Variants in GAPVD1 observed in about 807,000 individuals in gnomAD.
GAPVD1 encodes the protein GTPase-activating protein and VPS9 domain-containing protein 1.
In GAPVD1, 35 loss-of-function variants were observed where a neutral mutation model predicts 155.5. The observed-to-expected ratio is 0.23, with a 90% CI of 0.17 to 0.30. The LOEUF (loss-of-function observed/expected upper bound fraction) is 0.30. Ranked by LOEUF, GAPVD1 falls within the 10% of genes least tolerant of loss-of-function variation. GAPVD1 has a pLI of 1.00. For synonymous variants in GAPVD1, 636 were observed against 619.7 expected (o/e 1.03, Z -0.39); for missense variants, 1,429 against 1,775.7 (o/e 0.80, Z 3.51).
intron 2 of GAPVD1, among the ~76,000 whole-genome samples, chr9:125,294,537 G>A (rs1323539236): frequency 2.7e-5 from 4 of 148,514 alleles, no homozygotes; most frequent in East Asian, 2.0e-4. Context: ...TAGTAGAGAC[G>A]GGGTTTCACC....
chr9:125,338,697 A>T (rs1258559121), intron 17 of GAPVD1, among the ~76,000 whole-genome samples: 1 of 152,182 alleles, frequency 6.6e-6, no homozygotes, highest in Non-Finnish European at 1.5e-5. Flanking sequence ...GCACTTTGTC[A>T]GGTAGCACAG....
In GAPVD1 at chr9:125,355,768, T is replaced by C. The variant is rs745564744; in HGVS notation, c.3882T>C (p.Asp1294=). The C allele has an allele frequency of 6.2e-7, 1 of 1,613,376 alleles. No homozygotes were observed. Among genetic ancestry groups the C allele is most frequent in the Non-Finnish European group, 8.5e-7 (1 of 1,179,286 alleles). The part of the protein sequence containing the change: ...WQNASEEQLQ[D]AQLAIERSVM... The stretch of plus-strand genomic sequence containing the variant: ...ACGCGAGTGAAGAACAGCTTCAAGA[T>C]GCACAGCTGGCCATTGAGCGAAGCG... Residue 1294 remains aspartate, a synonymous_variant, in exon 25 of 28, where the codon GAT becomes GAC. Transcript: ENST00000297933.
At position 125,322,624 on chromosome 9, in the gene GAPVD1, A is replaced by G. The variant is rs545439977; in HGVS notation, c.1732+1062A>G. 2.2e-4 allele frequency among the ~76,000 whole-genome samples: 34 copies of G among 152,226 alleles called. 1 individual carries two copies. In the East Asian group the frequency reaches 3.3e-3, roughly 15 times the overall value. On this transcript the variant is annotated intron_variant, in intron 10 of 27. Transcript: ENST00000297933. ...TGTAATTTAATAATATGGCATTAAC[A>G]TTTCCCTTTGTAATTTAACATTCTT...
At chr9:125,289,147 A>G (rs1838200400) in intron 2 of GAPVD1, among the ~76,000 whole-genome samples, 1 of 152,178 alleles carries the variant, frequency 6.6e-6, no homozygotes, top group Non-Finnish European at 1.5e-5. Flanking sequence ...TTTACTCCCA[A>G]TAGAGTCCAG....
In GAPVD1 at chr9:125,360,456, G is replaced by A. The variant is rs1471013745; in HGVS notation, c.4045-72G>A. ...ACATTATCCTCTGCCTCCTGACACGGAGGTTGCAGTAGTCACTGCGCAGGG... is the reference window on the plus strand; with the variant it reads ...ACATTATCCTCTGCCTCCTGACACGAAGGTTGCAGTAGTCACTGCGCAGGG... On this transcript the variant is annotated intron_variant, in intron 26 of 27. Coordinates refer to ENST00000297933, the MANE Select transcript of GAPVD1 (RefSeq NM_001282680.3). The A allele has an allele frequency of 2.6e-6, 3 of 1,174,232 alleles. No individual in the cohort carries two copies. The African/African-American group carries it at 4.5e-5, about 18-fold the overall frequency. The allele number at this position is 1,174,232 out of a possible 1,614,324, so 72.7% of individuals were successfully genotyped here. A position where few individuals can be genotyped will look rare whatever the true frequency, so the allele number is the denominator to read the frequency against.
intron 8 of GAPVD1, among the ~76,000 whole-genome samples, chr9:125,310,396 T>TG (rs1287915891): frequency 1.3e-5 from 2 of 152,338 alleles, no homozygotes; most frequent in East Asian, 3.9e-4. Context: ...AATGTGAAGT[T>TG]GACTTTTGCT....
intron 15 of GAPVD1, 133 bp downstream of exon 15, chr9:125,332,762 G>A: frequency 3.0e-6 from 2 of 676,254 alleles, no homozygotes; most frequent in Non-Finnish European, 4.9e-6. Context: ...TCTATTTAAG[G>A]TCTTAAATGT....
At chr9:125,310,031 C>T (rs1295726519) in intron 8 of GAPVD1, 1 of 377,696 alleles carries the variant, frequency 2.6e-6, no homozygotes, top group South Asian at 2.1e-5. Flanking sequence ...GCTGTTCTTC[C>T]TCTTCTTTTA....
chr9:125,346,744 C>A, intron 19 of GAPVD1, 75 bp from the exon 20 acceptor site: 1 of 1,138,540 alleles, frequency 8.8e-7, no homozygotes, highest in Non-Finnish European at 1.3e-6. Flanking sequence ...TGGGATTATG[C>A]TACTGGTGTC....
At chr9:125,317,601 G>T (rs1043150280) in intron 9 of GAPVD1, among the ~76,000 whole-genome samples, 1 of 148,872 alleles carries the variant, frequency 6.7e-6, no homozygotes, top group African/African-American at 2.5e-5. Flanking sequence ...CTCCAGCCAG[G>T]GCAACAAGAG....
intron 11 of GAPVD1, 37 bp from the exon 12 acceptor site, chr9:125,326,379 C>G: frequency 7.3e-7 from 1 of 1,374,188 alleles, no homozygotes; most frequent in Non-Finnish European, 1.0e-6. Context: ...CATAGCTGTG[C>G]TACTATTTTA....
chr9:125,296,196 TGAGA>T (rs1209975681), intron 3 of GAPVD1, among the ~76,000 whole-genome samples: 2 of 151,258 alleles, frequency 1.3e-5, no homozygotes, highest in Non-Finnish European at 1.5e-5. Flanking sequence ...TTTTTTTTTT[TGAGA>T]GAGAGTCTTG....
chr9:125,305,467 G>T (rs1216217495), intron 6 of GAPVD1, among the ~76,000 whole-genome samples: 1 of 150,800 alleles, frequency 6.6e-6, no homozygotes, highest in Non-Finnish European at 1.5e-5. Context: ...CTGCCTCCGG[G>T]TTCAAGCAAC....
At chr9:125,342,931 A>G (rs1406277579) in intron 19 of GAPVD1, among the ~76,000 whole-genome samples, 1 of 152,154 alleles carries the variant, frequency 6.6e-6, no homozygotes, top group African/African-American at 2.4e-5. Context: ...TTTTTACCTG[A>G]TTAAGCGTTT....
intron 25 of GAPVD1, among the ~76,000 whole-genome samples, chr9:125,359,108 C>T (rs1242876556): frequency 6.6e-6 from 1 of 152,092 alleles, no homozygotes; most frequent in African/African-American, 2.4e-5. Context: ...CTCTCCTTTT[C>T]CTCTACCTTA....
chr9:125,351,697 A>T (rs1340398254), intron 23 of GAPVD1, among the ~76,000 whole-genome samples: 1 of 151,944 alleles, frequency 6.6e-6, no homozygotes, highest in Non-Finnish European at 1.5e-5. Flanking sequence ...CGTGGCTCAC[A>T]TCCAGGTCAC....
At chr9:125,352,811 A>G (rs1849498201) in intron 23 of GAPVD1, among the ~76,000 whole-genome samples, 3 of 152,092 alleles carry the variant, frequency 2.0e-5, no homozygotes, top group Admixed American at 2.0e-4. Context: ...TGTTTCCCTT[A>G]TAAAACTGTA....
In GAPVD1 at chr9:125,337,055, G is replaced by A. The variant is rs750400564; in HGVS notation, c.2466G>A (p.Glu822=). Residue 822 remains glutamate, a synonymous_variant, in exon 16 of 28, where the codon GAG becomes GAA. Coordinates refer to ENST00000297933, the MANE Select transcript of GAPVD1 (RefSeq NM_001282680.3). ...TGACCTCTCCTCCTTCTCAGTCAGA[G>A]TCTCTGCTGGCCATGTTTGATCCAC... ...HQLTSPPSQS[E]SLLAMFDPLS... 2 of 1,613,428 alleles carry A rather than the reference G, an allele frequency of 1.2e-6. No homozygotes were observed. The highest frequency in any genetic ancestry group is 1.7e-6 in the Non-Finnish European group (2 of 1,179,374).
intron 6 of GAPVD1, among the ~76,000 whole-genome samples, chr9:125,306,399 C>T (rs1262241911): frequency 1.3e-5 from 2 of 152,164 alleles, no homozygotes; most frequent in African/African-American, 2.4e-5. Flanking sequence ...CAAATTCCTA[C>T]GTACACTATA....
Sources: gnomAD v4.1 joint callset for allele counts (sites outside exome capture counted in the v4.1 genomes callset) on GRCh38, gnomAD v4.1.1 for gene constraint, MANE v1.5 for transcripts, NCBI Gene and HGNC (gene_info 2026-07-23, HGNC 2026-07-21) for gene names.